Variants in RSBN1 observed in about 807,000 individuals in gnomAD.
RSBN1 encodes round spermatid basic protein 1.
Under a neutral mutation model 74.8 loss-of-function variants are expected in RSBN1, and 23 were observed. The ratio of observed to expected loss-of-function variants is 0.31; its 90% CI spans 0.22 to 0.44. RSBN1 has a LOEUF of 0.44. Ranked by LOEUF, RSBN1 falls within the 20% of genes least tolerant of loss-of-function variation. RSBN1 has a pLI of 1.00. For synonymous variants in RSBN1, 407 were observed against 379.6 expected (o/e 1.07, Z -0.84); for missense variants, 808 against 1,020.9 (o/e 0.79, Z 2.84).
chr1:113,797,279 T>C, intron 2 of RSBN1, 84 bp downstream of exon 2: 1 of 1,038,556 alleles, frequency 9.6e-7, no homozygotes, highest in Non-Finnish European at 1.4e-6. Flanking sequence ...ATCAAAAATG[T>C]GCTGGTATGT....
intron 4 of RSBN1, among the ~76,000 whole-genome samples, chr1:113,772,592 A>C (rs1391529610): frequency 6.6e-6 from 1 of 152,216 alleles, no homozygotes; most frequent in African/African-American, 2.4e-5. Flanking sequence ...TCCAAAGATG[A>C]GCTTCAGTAG....
intron 1 of RSBN1, among the ~76,000 whole-genome samples, chr1:113,807,649 G>A (rs1394554397): frequency 6.6e-6 from 1 of 151,296 alleles, no homozygotes; most frequent in African/African-American, 2.4e-5. Context: ...TAATCCCAGC[G>A]ATTCGGGAGG....
intron 1 of RSBN1, among the ~76,000 whole-genome samples, chr1:113,806,963 T>C (rs1417168177): frequency 2.0e-5 from 3 of 151,190 alleles, no homozygotes; most frequent in Admixed American, 6.6e-5. Context: ...GAGTGAGCCA[T>C]GATCACATCA....
In RSBN1 at chr1:113,811,916, C is replaced by T; in HGVS notation, c.497G>A (p.Ser166Asn). Residue 166 changes from serine (S) to asparagine (N), a missense_variant, in exon 1 of 7, where the codon AGC (serine) becomes AAC (asparagine). Ser to Asn is a conservative substitution (Grantham distance 46). Transcript: ENST00000261441. The part of the protein sequence containing the change: ...PAVAAPLPAP[S>N]TSALFTFSPL... ...CGAGAAGGTGAAGAGGGCCGAGGTG[C>T]TTGGGGCCGGGAGAGGGGCAGCGAC... The T allele has an allele frequency of 3.1e-6, 5 of 1,606,638 alleles. No individual in the cohort carries two copies. The highest frequency in any genetic ancestry group is 4.3e-6 in the Non-Finnish European group (5 of 1,176,398).
intron 3 of RSBN1, 117 bp downstream of exon 3, chr1:113,777,554 G>T: frequency 9.4e-7 from 1 of 1,065,846 alleles, no homozygotes; most frequent in Non-Finnish European, 1.3e-6. Flanking sequence ...AAACATTTCT[G>T]TGCAAAACAC....
chr1:113,783,457 G>GA (rs35426448), intron 2 of RSBN1, among the ~76,000 whole-genome samples: 28,948 of 140,274 alleles, frequency 0.21, 3,469 homozygotes, highest in South Asian at 0.37. Flanking sequence ...AGGCTGACAA[G>GA]AAAAAAAAAA....
Position 113,766,843 on chromosome 1 carries a change from T to A in RSBN1, c.1935+256A>T, listed in dbSNP as rs186342174. ...TGGGGTTAACAAGTGAGACAGCTCA[T>A]GGCCATAACTGAGCCGCCTGGGACC... On this transcript the variant is annotated intron_variant, in intron 6 of 6. Transcript: ENST00000261441. 2.0e-5 allele frequency among the ~76,000 whole-genome samples: 3 copies of A among 152,302 alleles called. No individual in the cohort carries two copies. The East Asian group carries it at 5.8e-4, about 29-fold the overall frequency.
At chr1:113,807,485 C>T (rs1351441236) in intron 1 of RSBN1, among the ~76,000 whole-genome samples, 2 of 151,852 alleles carry the variant, frequency 1.3e-5, no homozygotes, top group East Asian at 1.9e-4. Context: ...AAGGGCCGGG[C>T]GCAGTGGCTC....
chr1:113,808,033 G>A (rs1259137874), intron 1 of RSBN1, among the ~76,000 whole-genome samples: 1 of 151,976 alleles, frequency 6.6e-6, no homozygotes, highest in South Asian at 2.1e-4. Flanking sequence ...CAAGAATGTG[G>A]AGAAAATGGA....
chr1:113,793,832 A>G (rs1660418201), intron 2 of RSBN1, among the ~76,000 whole-genome samples: 2 of 152,086 alleles, frequency 1.3e-5, no homozygotes, highest in African/African-American at 4.8e-5. Flanking sequence ...CATGTCAGCT[A>G]ATTTTTGAAT....
At chr1:113,789,476 A>AT (rs1660324580) in intron 2 of RSBN1, among the ~76,000 whole-genome samples, 1 of 152,190 alleles carries the variant, frequency 6.6e-6, no homozygotes, top group Non-Finnish European at 1.5e-5. Flanking sequence ...ACCCATAAAC[A>AT]TAAGTATTTC....
At chr1:113,792,739 A>AG (rs1472214996) in intron 2 of RSBN1, among the ~76,000 whole-genome samples, 3 of 152,080 alleles carry the variant, frequency 2.0e-5, no homozygotes. Context: ...GGCCTCAGTG[A>AG]GCCATGATCA....
chr1:113,790,891 G>A (rs1660351436), intron 2 of RSBN1, among the ~76,000 whole-genome samples: 2 of 152,160 alleles, frequency 1.3e-5, no homozygotes, highest in African/African-American at 4.8e-5. Context: ...AAAATTTCCA[G>A]AAGAGGAACC....
At chr1:113,808,052 AC>A (rs1660747905) in intron 1 of RSBN1, among the ~76,000 whole-genome samples, 1 of 152,150 alleles carries the variant, frequency 6.6e-6, no homozygotes, top group South Asian at 2.1e-4. Context: ...GATTTCTCTT[AC>A]ACCGCTGACA....
chr1:113,792,810 A>T (rs1660392292), intron 2 of RSBN1, among the ~76,000 whole-genome samples: 1 of 152,122 alleles, frequency 6.6e-6, no homozygotes, highest in Non-Finnish European at 1.5e-5. Flanking sequence ...GAAAGGAGAA[A>T]GAAAGGAAGG....
At chr1:113,780,011 C>G (rs1320781089) in intron 2 of RSBN1, among the ~76,000 whole-genome samples, 1 of 151,502 alleles carries the variant, frequency 6.6e-6, no homozygotes, top group Admixed American at 6.6e-5. Context: ...CAGGGCAAGA[C>G]TCCGTCTCAA....
At chr1:113,770,885 A>T (rs1162015858) in intron 4 of RSBN1, among the ~76,000 whole-genome samples, 1 of 152,178 alleles carries the variant, frequency 6.6e-6, no homozygotes, top group East Asian at 1.9e-4. Flanking sequence ...TATGAGGACC[A>T]TCAAACCAGG....
chr1:113,769,318 G>T (rs1659844438), intron 4 of RSBN1, among the ~76,000 whole-genome samples: 1 of 152,172 alleles, frequency 6.6e-6, no homozygotes, highest in African/African-American at 2.4e-5. Flanking sequence ...CTTGCCATGT[G>T]CATCAGGCAA....
At position 113,811,817 on chromosome 1, in the gene RSBN1, C is replaced by G; in HGVS notation, c.596G>C (p.Gly199Ala). The change falls in exon 1 of 7, where the codon GGC becomes GCC. Residue 199 changes from glycine to alanine, a missense_variant. Around this residue, in one of 6 missense-constraint regions of RSBN1, gnomAD observed 464 missense variants for 401.0 expected, o/e 1.16. Coordinates refer to ENST00000261441, the MANE Select transcript of RSBN1 (RefSeq NM_018364.5). ...KERHKHHHHR[G>A]PDGDPSSCGT... Reference sequence around the variant, plus strand: ...GCAGGAGCTGGGATCACCATCGGGGCCGCGGTGGTGATGGTGCTTGTGCCG... The same window carrying G: ...GCAGGAGCTGGGATCACCATCGGGGGCGCGGTGGTGATGGTGCTTGTGCCG... The G allele has an allele frequency of 6.2e-7, 1 of 1,613,832 alleles. No individual in the cohort carries two copies. Among genetic ancestry groups the G allele is most frequent in the Non-Finnish European group, 8.5e-7 (1 of 1,179,978 alleles).
Sources: gnomAD v4.1 joint callset for allele counts (sites outside exome capture counted in the v4.1 genomes callset) on GRCh38, gnomAD v4.1.1 for gene constraint, gnomAD v4.1.1 regional missense constraint, MANE v1.5 for transcripts, NCBI Gene and HGNC (gene_info 2026-07-23, HGNC 2026-07-21) for gene names.